Variants in PDE1C observed in about 807,000 individuals in gnomAD.
The protein encoded by PDE1C is phosphodiesterase 1C.
A neutral mutation model predicts 93.1 loss-of-function variants in PDE1C; 62 were observed. The ratio of observed to expected loss-of-function variants is 0.67; its 90% CI spans 0.54 to 0.82. The LOEUF is 0.82. PDE1C is among the 40% of genes least tolerant of loss of function. The pLI is 0.00. For synonymous variants in PDE1C, 325 were observed against 310.1 expected (o/e 1.05, Z -0.50); for missense variants, 742 against 884.6 (o/e 0.84, Z 2.04).
chr7:31,899,669 G>C, intron 2 of PDE1C, among the ~76,000 whole-genome samples: 1 of 152,346 alleles, frequency 6.6e-6, no homozygotes. Context: ...GCGGGAGACA[G>C]AGAAGGACAA....
At chr7:32,412,907 G>A (rs6975171) in intron 1 of PDE1C, among the ~76,000 whole-genome samples, 19 of 148,234 alleles carry the variant, frequency 1.3e-4, no homozygotes, top group Non-Finnish European at 1.6e-4. Context: ...AACATAGCAC[G>A]GAAAAAAAAA....
At chr7:31,996,957 T>A (rs1466269916) in intron 2 of PDE1C, among the ~76,000 whole-genome samples, 1 of 152,092 alleles carries the variant, frequency 6.6e-6, no homozygotes. Flanking sequence ...AAGAGAATAA[T>A]GAGAAGTGAC....
chr7:32,183,983 C>T (rs560084555), intron 2 of PDE1C, among the ~76,000 whole-genome samples: 1 of 152,130 alleles, frequency 6.6e-6, no homozygotes. Flanking sequence ...AAAAAGTGGG[C>T]AAAGGATATG....
intron 2 of PDE1C, among the ~76,000 whole-genome samples, chr7:32,040,420 A>T (rs1791661634): frequency 6.6e-6 from 1 of 152,304 alleles, no homozygotes; most frequent in African/African-American, 2.4e-5. Flanking sequence ...TATTCACTTG[A>T]TACCAGTAAT....
intron 2 of PDE1C, among the ~76,000 whole-genome samples, chr7:31,967,512 G>A (rs191020755): frequency 1.3e-5 from 2 of 152,196 alleles, no homozygotes; most frequent in Admixed American, 1.3e-4. Context: ...TGGATTCACA[G>A]CCAAATTCTA....
chr7:32,412,059 C>T (rs895605387), intron 1 of PDE1C, among the ~76,000 whole-genome samples: 4 of 152,138 alleles, frequency 2.6e-5, no homozygotes, highest in African/African-American at 9.7e-5. Context: ...GTAGCAATGC[C>T]TTCTTTTGGA....
the PDE1C span, among the ~76,000 whole-genome samples, chr7:31,631,588 C>T: frequency 1.3e-5 from 2 of 152,028 alleles, no homozygotes; most frequent in Admixed American, 1.3e-4. Context: ...GTTAATTTTA[C>T]AGAAGCGGAT....
rs187934971 is a variant in PDE1C, at chr7:31,753,196, A to T, written c.*188T>A. 22 of 610,234 alleles carry T rather than the reference A, an allele frequency of 3.6e-5. No individual in the cohort carries two copies. Among genetic ancestry groups the T allele is most frequent in the African/African-American group, 3.2e-4 (17 of 53,778 alleles). The allele number at this position is 610,234 out of a possible 1,614,324, so 37.8% of individuals were successfully genotyped here. On this transcript the variant is annotated 3_prime_UTR_variant, in exon 18 of 18. Transcript: ENST00000396191. ...GGCTGATCCCACATACAGCAATTGA[A>T]AAGTCTATACAAGAACAACAAAGAG...
chr7:31,637,259 G>A, the PDE1C span, among the ~76,000 whole-genome samples: 6 of 151,180 alleles, frequency 4.0e-5, no homozygotes, highest in African/African-American at 1.5e-4. Flanking sequence ...CCCAGTAATG[G>A]GATGGCTGGG....
intron 3 of PDE1C, among the ~76,000 whole-genome samples, chr7:32,083,327 G>T (rs9691813): frequency 0.054 from 8,202 of 151,118 alleles, 289 homozygotes; most frequent in Non-Finnish European, 0.078. Context: ...AATGAACAAA[G>T]CCTCCAAGAA....
intron 1 of PDE1C, among the ~76,000 whole-genome samples, chr7:32,281,007 G>A (rs1003903816): frequency 6.6e-6 from 1 of 151,828 alleles, no homozygotes; most frequent in African/African-American, 2.4e-5. Context: ...AAAATAAAGA[G>A]GAAATTCCAA....
chr7:31,990,340 C>A (rs190632373), intron 2 of PDE1C, among the ~76,000 whole-genome samples: 3 of 152,296 alleles, frequency 2.0e-5, no homozygotes, highest in South Asian at 4.1e-4. Flanking sequence ...TTCTTTCCTG[C>A]TGCCATGTAA....
chr7:31,675,787 A>G, the PDE1C span, among the ~76,000 whole-genome samples: 1 of 152,114 alleles, frequency 6.6e-6, no homozygotes. Context: ...AATTTCAGCA[A>G]TGAAAATATA....
At chr7:32,049,131 C>A (rs571625558) in intron 2 of PDE1C, among the ~76,000 whole-genome samples, 1 of 152,124 alleles carries the variant, frequency 6.6e-6, no homozygotes, top group Non-Finnish European at 1.5e-5. Flanking sequence ...GACTACTGTG[C>A]CCTCTAATCT....
upstream of PDE1C, among the ~76,000 whole-genome samples, chr7:32,075,235 AGAT>A (rs1333031200): frequency 2.6e-5 from 4 of 152,230 alleles, no homozygotes; most frequent in Non-Finnish European, 4.4e-5. Flanking sequence ...TTCAGCTATG[AGAT>A]GATGACTACT....
chr7:32,205,169 G>C (rs944369808), intron 2 of PDE1C, among the ~76,000 whole-genome samples: 2 of 152,156 alleles, frequency 1.3e-5, no homozygotes, highest in African/African-American at 4.8e-5. Context: ...AGCAATTAAA[G>C]GGTCCATGTC....
chr7:32,213,964 C>G (rs773775939), intron 1 of PDE1C, among the ~76,000 whole-genome samples: 2 of 152,096 alleles, frequency 1.3e-5, no homozygotes, highest in Non-Finnish European at 1.5e-5. Flanking sequence ...AAATACTTTT[C>G]TGCATAAACT....
chr7:31,631,305 C>G, the PDE1C span, among the ~76,000 whole-genome samples: 1 of 152,058 alleles, frequency 6.6e-6, no homozygotes, highest in Non-Finnish European at 1.5e-5. Flanking sequence ...CACACAGACA[C>G]ACAAATCATA....
the PDE1C span, among the ~76,000 whole-genome samples, chr7:31,718,957 C>G: frequency 1.3e-5 from 2 of 152,130 alleles, no homozygotes; most frequent in African/African-American, 2.4e-5. Flanking sequence ...ACCAAGCAGA[C>G]CCTCAGTTAC....
Sources: gnomAD v4.1 joint callset for allele counts (sites outside exome capture counted in the v4.1 genomes callset) on GRCh38, gnomAD v4.1.1 for gene constraint, MANE v1.5 for transcripts, NCBI Gene and HGNC (gene_info 2026-07-23, HGNC 2026-07-21) for gene names.